ANO1: variants seen among roughly 807,000 people sequenced by gnomAD.
ANO1 encodes the protein anoctamin-1.
In ANO1, 59 loss-of-function variants were observed where a neutral mutation model predicts 124.0. That is an observed-to-expected ratio of 0.48 (90% CI 0.39 to 0.59). The LOEUF (loss-of-function observed/expected upper bound fraction) is 0.59. Ranked by LOEUF, ANO1 falls within the 20% of genes least tolerant of loss-of-function variation. The pLI is 0.00. For missense variants in ANO1, 1,059 were observed against 1,328.0 expected, an observed-to-expected ratio of 0.80 and a Z score of 3.15; for synonymous variants, 529 against 532.0, an observed-to-expected ratio of 0.99 and a Z score of 0.08.
chr11:69,969,056 G>A, the ANO1 span, among the ~76,000 whole-genome samples: 6 of 152,328 alleles, frequency 3.9e-5, no homozygotes, highest in South Asian at 4.1e-4. Flanking sequence ...ACACTCTAGT[G>A]TAAATGAAGC....
Position 70,035,771 on chromosome 11 carries a change from G to A in ANO1, c.59-42771G>A, listed in dbSNP as rs550274484. ...TTCCCACTTATGAGTAAGAACATGC[G>A]GTGTTTGGTTTTCTGTTCCTGTGTT... is the stretch of plus-strand genomic sequence containing the variant. On this transcript the variant is annotated intron_variant, in intron 1 of 27. Coordinates refer to the ANO1 transcript ENST00000531349. 8.5e-5 allele frequency among the ~76,000 whole-genome samples: 13 copies of A among 152,128 alleles called. No homozygotes were observed. In the South Asian group the frequency reaches 2.3e-3, roughly 27 times the overall value.
chr11:70,038,682 T>C (rs977096689), intron 1 of ANO1, among the ~76,000 whole-genome samples: 16 of 152,120 alleles, frequency 1.1e-4, no homozygotes, highest in African/African-American at 2.9e-4. Context: ...GAGCCAGGAC[T>C]TACCTGGTGC....
At chr11:69,971,253 A>G in the ANO1 span, among the ~76,000 whole-genome samples, 9 of 152,112 alleles carry the variant, frequency 5.9e-5, no homozygotes, top group Admixed American at 5.9e-4. Context: ...GTTGGTCCCC[A>G]TGGTCTCTGG....
chr11:69,994,696 C>T (rs1403088020), intron 1 of ANO1, among the ~76,000 whole-genome samples: 1 of 152,288 alleles, frequency 6.6e-6, no homozygotes, highest in Admixed American at 6.5e-5. Context: ...GATGCTGTCA[C>T]ATCAAAAATA....
chr11:70,088,565 C>T (rs1035431319), intron 2 of ANO1, among the ~76,000 whole-genome samples: 30 of 150,660 alleles, frequency 2.0e-4, no homozygotes, highest in African/African-American at 7.3e-4. Flanking sequence ...AAACACTGTT[C>T]TTGTTAAGGT....
chr11:70,107,415 C>T (rs2045590402), intron 5 of ANO1, among the ~76,000 whole-genome samples: 1 of 150,042 alleles, frequency 6.7e-6, no homozygotes, highest in Non-Finnish European at 1.5e-5. Context: ...GGCCCTGTGG[C>T]TGCAGGAGTG....
intron 1 of ANO1, among the ~76,000 whole-genome samples, chr11:70,059,680 G>A (rs1330036590): frequency 1.3e-5 from 2 of 152,158 alleles, no homozygotes; most frequent in Admixed American, 6.5e-5. Context: ...ATGGTCTTAC[G>A]GATGGATTTC....
intron 1 of ANO1, among the ~76,000 whole-genome samples, chr11:69,994,552 A>G (rs993251418): frequency 1.3e-5 from 2 of 152,208 alleles, no homozygotes; most frequent in Non-Finnish European, 2.9e-5. Context: ...ATCTATATAT[A>G]TATGATGGCA....
chr11:70,073,644 G>A (rs782524867), upstream of ANO1, among the ~76,000 whole-genome samples: 20 of 152,132 alleles, frequency 1.3e-4, no homozygotes, highest in Admixed American at 2.0e-4. Context: ...GAGGGATGCC[G>A]TCTGAGCTGG....
chr11:70,101,957 C>T (rs1032876148), intron 2 of ANO1, among the ~76,000 whole-genome samples: 4 of 152,224 alleles, frequency 2.6e-5, no homozygotes, highest in Non-Finnish European at 4.4e-5. Flanking sequence ...GCACTGTTTC[C>T]CTTCTCGTTG....
At chr11:69,973,731 G>T in the ANO1 span, among the ~76,000 whole-genome samples, 1 of 151,828 alleles carries the variant, frequency 6.6e-6, no homozygotes, top group Non-Finnish European at 1.5e-5. Flanking sequence ...AATTAGCCGG[G>T]CGTGGTGGTG....
At chr11:70,112,950 C>G (rs142524737) in intron 7 of ANO1, among the ~76,000 whole-genome samples, 4 of 152,286 alleles carry the variant, frequency 2.6e-5, no homozygotes, top group Non-Finnish European at 5.9e-5. Flanking sequence ...ATTCTCCAGA[C>G]GGTTGACCCC....
Position 70,070,659 on chromosome 11 carries a change from G to C in ANO1, c.59-7883G>C, listed in dbSNP as rs1005549845. Among the ~76,000 whole-genome samples, 5 of 152,252 alleles carry C rather than the reference G, an allele frequency of 3.3e-5. No individual in the cohort carries two copies. The East Asian group carries it at 7.7e-4, about 23-fold the overall frequency. On this transcript the variant is annotated intron_variant, in intron 1 of 27. Coordinates refer to the ANO1 transcript ENST00000531349. ...CCAATGCGCTCCAGCCTGGGCGACA[G>C]AGTGAAACTCCAAGTGAATAAATGA...
intron 1 of ANO1, among the ~76,000 whole-genome samples, chr11:70,026,026 T>G (rs1419794825): frequency 5.4e-5 from 8 of 147,708 alleles, no homozygotes; most frequent in African/African-American, 2.0e-4. Context: ...GTGGTGATGG[T>G]GATGATGATG....
intron 1 of ANO1, chr11:70,015,169 C>A (rs1167248532): frequency 6.6e-6 from 1 of 152,020 alleles, no homozygotes; most frequent in East Asian, 1.9e-4. Flanking sequence ...ATTCATGGAG[C>A]CATTTTGGGC....
chr11:70,152,572 C>T (rs1209971749), intron 13 of ANO1, 111 bp downstream of exon 13: 52 of 1,287,288 alleles, frequency 4.0e-5, no homozygotes, highest in Middle Eastern at 1.9e-4. Context: ...AGTTCCTCCA[C>T]GCGGGTGGGG....
chr11:70,003,180 C>G (rs1319941750), intron 1 of ANO1, among the ~76,000 whole-genome samples: 2 of 152,042 alleles, frequency 1.3e-5, no homozygotes, highest in Non-Finnish European at 2.9e-5. Flanking sequence ...ACCAACACAC[C>G]AATGGGAAAA....
chr11:70,171,592 T>C (rs1316448761), intron 22 of ANO1, among the ~76,000 whole-genome samples: 2 of 152,150 alleles, frequency 1.3e-5, no homozygotes, highest in Admixed American at 6.5e-5. Flanking sequence ...AACTCCAGCT[T>C]TTTCACCCCG....
chr11:70,151,023 G>T (rs544355520), intron 12 of ANO1, among the ~76,000 whole-genome samples: 7 of 152,208 alleles, frequency 4.6e-5, no homozygotes, highest in Non-Finnish European at 4.4e-5. Context: ...AGCTCACAGG[G>T]TATAAGACGG....
Sources: gnomAD v4.1 joint callset for allele counts (sites outside exome capture counted in the v4.1 genomes callset) on GRCh38, gnomAD v4.1.1 for gene constraint, MANE v1.5 for transcripts, NCBI Gene and HGNC (gene_info 2026-07-23, HGNC 2026-07-21) for gene names.